MYO1H: variants seen among roughly 807,000 people sequenced by gnomAD.
The protein encoded by MYO1H is myosin IH.
Under a neutral mutation model 149.3 loss-of-function variants are expected in MYO1H, and 118 were observed. The observed-to-expected ratio is 0.79, with a 90% CI of 0.68 to 0.92. The LOEUF (loss-of-function observed/expected upper bound fraction) is 0.92. MYO1H is among the 40% of genes least tolerant of loss of function. The pLI, the probability that MYO1H is intolerant of heterozygous loss-of-function variation, is 0.00. For missense variants in MYO1H, 1,212 were observed against 1,280.7 expected (o/e 0.95, Z 0.82); for synonymous variants, 447 against 465.2 (o/e 0.96, Z 0.50).
At chr12:109,447,101 T>C (rs370331440) in intron 31 of MYO1H, 58 bp from the exon 32 acceptor site, 2 of 1,544,118 alleles carry the variant, frequency 1.3e-6, no homozygotes, top group East Asian at 4.8e-5. Context: ...GATAACTGTT[T>C]CCTTTTGCGC....
intron 1 of MYO1H, among the ~76,000 whole-genome samples, chr12:109,385,592 C>T (rs986591064): frequency 2.0e-5 from 3 of 152,150 alleles, no homozygotes; most frequent in Non-Finnish European, 4.4e-5. Context: ...CCACGCCCAG[C>T]CTGAAATCAC....
chr12:109,401,379 A>G (rs118057168), intron 6 of MYO1H, 107 bp downstream of exon 6: 1 of 1,148,088 alleles, frequency 8.7e-7, no homozygotes, highest in Non-Finnish European at 1.2e-6. Flanking sequence ...CCATCCTGCT[A>G]TGTGTCCTAT....
chr12:109,413,530 G>A (rs1332783256), intron 14 of MYO1H, among the ~76,000 whole-genome samples: 1 of 152,232 alleles, frequency 6.6e-6, no homozygotes, highest in East Asian at 1.9e-4. Context: ...AAATAAATTG[G>A]GGTACATTCA....
chr12:109,334,643 T>G, the MYO1H span, among the ~76,000 whole-genome samples: 4,083 of 152,280 alleles, frequency 0.027, 75 homozygotes, highest in Middle Eastern at 0.061. Context: ...ATTTTTCTTG[T>G]CTATGTATCT....
intron 24 of MYO1H, among the ~76,000 whole-genome samples, chr12:109,440,303 TG>T (rs1872063620): frequency 1.3e-5 from 2 of 152,206 alleles, no homozygotes; most frequent in South Asian, 4.1e-4. Flanking sequence ...CCCAAAGTGC[TG>T]GGATTACAGG....
intron 21 of MYO1H, 107 bp downstream of exon 21, chr12:109,435,220 G>A (rs559326279): frequency 5.8e-6 from 4 of 686,008 alleles, no homozygotes; most frequent in Admixed American, 3.3e-5. Context: ...AGAAGCATTC[G>A]CTTTGGAAAC....
At chr12:109,347,775 A>G (rs1394852557), upstream of MYO1H, 1 of 391,708 alleles carries the variant, frequency 2.6e-6, no homozygotes, top group Non-Finnish European at 4.5e-6. Context: ...CTACATGTAG[A>G]CGGCCATAAG....
chr12:109,418,943 A>G (rs1871049526), intron 15 of MYO1H, among the ~76,000 whole-genome samples: 3 of 152,230 alleles, frequency 2.0e-5, no homozygotes, highest in African/African-American at 7.2e-5. Context: ...GCAAAGTGAC[A>G]AAAAGAAAAA....
intron 14 of MYO1H, 34 bp from the exon 15 acceptor site, chr12:109,415,492 G>GAAAAC: frequency 6.4e-7 from 1 of 1,555,426 alleles, no homozygotes; most frequent in Non-Finnish European, 8.7e-7. Context: ...GAAAAGAAAA[G>GAAAAC]AAAGTTCAAC....
intron 2 of MYO1H, among the ~76,000 whole-genome samples, chr12:109,391,300 T>C (rs1869643628): frequency 6.6e-6 from 1 of 152,212 alleles, no homozygotes; most frequent in Non-Finnish European, 1.5e-5. Context: ...CCTCATCATT[T>C]AGTTCCCACT....
At chr12:109,409,246 C>CTTTTTTTTTTTTTTTTTTTTTTTTTTTTT (rs66507410) in intron 10 of MYO1H, among the ~76,000 whole-genome samples, 5 of 47,854 alleles carry the variant, frequency 1.0e-4, no homozygotes, top group Non-Finnish European at 1.9e-4. Context: ...TCTTCTTCTT[C>CTTTTTTTTTTTTTTTTTTTTTTTTTTTTT]TTTTTTTTTT....
chr12:109,321,412 G>T, the MYO1H span, among the ~76,000 whole-genome samples: 63 of 151,978 alleles, frequency 4.1e-4, no homozygotes, highest in African/African-American at 1.4e-3. Context: ...AATTAGCCGG[G>T]TGTGGTGACG....
At chr12:109,436,179 G>A (rs1871849277) in intron 21 of MYO1H, among the ~76,000 whole-genome samples, 1 of 152,116 alleles carries the variant, frequency 6.6e-6, no homozygotes, top group Non-Finnish European at 1.5e-5. Flanking sequence ...TGCCTTGTGG[G>A]GTGGCGTATG....
At chr12:109,404,119 G>C in intron 7 of MYO1H, 39 bp downstream of exon 7, 1 of 1,455,660 alleles carries the variant, frequency 6.9e-7, no homozygotes. Flanking sequence ...TTCCCCCTGG[G>C]ACTGAGGAAA....
the MYO1H span, among the ~76,000 whole-genome samples, chr12:109,339,675 G>A: frequency 1.3e-5 from 2 of 152,172 alleles, no homozygotes; most frequent in East Asian, 1.9e-4. Context: ...CAAAAATGTT[G>A]GGAAGAAGAG....
chr12:109,414,006 C>T (rs1377753585), intron 14 of MYO1H, among the ~76,000 whole-genome samples: 4 of 152,070 alleles, frequency 2.6e-5, no homozygotes, highest in Admixed American at 2.6e-4. Context: ...TGTCTGGTTG[C>T]GACTAGAAAG....
the MYO1H span, among the ~76,000 whole-genome samples, chr12:109,325,273 C>T: frequency 6.6e-6 from 1 of 152,238 alleles, no homozygotes; most frequent in South Asian, 2.1e-4. Flanking sequence ...ATTTCTGGTT[C>T]TAGATCCTTG....
chr12:109,400,167 G>A lies in MYO1H; in HGVS notation c.571-926G>A, dbSNP rs149111673. Reference sequence around the variant, plus strand: ...TATATGACTATGTCACAACTTATCTGTTCTACTTTTGATGGACATTTGGGC... The same window carrying A: ...TATATGACTATGTCACAACTTATCTATTCTACTTTTGATGGACATTTGGGC... On this transcript the variant is annotated intron_variant, in intron 5 of 31. Coordinates refer to ENST00000310903, the Ensembl canonical transcript of MYO1H. Among the ~76,000 whole-genome samples, 318 of 152,292 alleles carry A rather than the reference G, an allele frequency of 2.1e-3. 1 individual carries two copies. Among genetic ancestry groups the A allele is most frequent in the African/African-American group, 7.5e-3 (310 of 41,562 alleles).
At chr12:109,356,239 G>A (rs1022687120) in intron 1 of MYO1H, among the ~76,000 whole-genome samples, 2 of 152,172 alleles carry the variant, frequency 1.3e-5, no homozygotes, top group Non-Finnish European at 2.9e-5. Context: ...GTCCAAACAG[G>A]TTTTAACATA....
Sources: allele counts gnomAD v4.1 joint callset (sites outside exome capture counted in the v4.1 genomes callset), GRCh38; gene constraint gnomAD v4.1.1; transcripts MANE v1.5; gene names NCBI Gene and HGNC (gene_info 2026-07-23, HGNC 2026-07-21).